Variants in VOPP1 observed in about 807,000 individuals in gnomAD.
VOPP1 encodes the protein WW domain binding protein VOPP1.
Under a neutral mutation model 23.5 loss-of-function variants are expected in VOPP1, and 8 were observed. The ratio of observed to expected loss-of-function variants is 0.34; its 90% CI spans 0.20 to 0.61. The LOEUF (loss-of-function observed/expected upper bound fraction) is 0.61, where lower values mean the gene tolerates loss of function less well. VOPP1 is among the 20% of genes least tolerant of loss of function. The pLI, the probability that VOPP1 is intolerant of heterozygous loss-of-function variation, is 0.78. For missense variants in VOPP1, 174 were observed against 238.1 expected (o/e 0.73, Z 1.77); for synonymous variants, 83 against 97.3 (o/e 0.85, Z 0.86).
At chr7:55,538,675 A>G in intron 1 of VOPP1, 1 of 1,535,886 alleles carries the variant, frequency 6.5e-7, no homozygotes, top group Non-Finnish European at 8.7e-7. Context: ...AATGACAAAA[A>G]CAGCTACAAA....
intron 4 of VOPP1, among the ~76,000 whole-genome samples, chr7:55,444,226 C>T (rs927212240): frequency 6.6e-6 from 1 of 152,138 alleles, no homozygotes; most frequent in African/African-American, 2.4e-5. Context: ...TAGAGATCAT[C>T]GGACAAGAGT....
Position 55,492,292 on chromosome 7 carries a change from A to G in VOPP1, c.318T>C (p.Asn106=). Residue 106 remains asparagine (N), a synonymous_variant, in exon 4 of 5, where the codon AAT becomes AAC. Transcript: ENST00000285279. ...FNVSYTRQPP[N]PGPGAQQPGP... is the part of the protein sequence containing the mutation. ...ACAGGGCTGGCTGACCTGGGCCGGG[A>G]TTTGGGGGCTGCCTGGTGTAGGACA... The G allele has an allele frequency of 6.2e-7, 1 of 1,609,986 alleles. No individual in the cohort carries two copies.
chr7:55,511,741 C>A (rs1474781471), intron 2 of VOPP1, among the ~76,000 whole-genome samples: 1 of 152,212 alleles, frequency 6.6e-6, no homozygotes, highest in Non-Finnish European at 1.5e-5. Flanking sequence ...TTCCAGTTGT[C>A]CCTGCCTTTC....
chr7:55,518,931 A>G (rs1795654222), intron 2 of VOPP1, among the ~76,000 whole-genome samples: 1 of 152,222 alleles, frequency 6.6e-6, no homozygotes, highest in South Asian at 2.1e-4. Flanking sequence ...TCAGAGGGAC[A>G]TTCACAGATG....
chr7:55,467,429 C>T (rs1258684356), downstream of VOPP1, among the ~76,000 whole-genome samples: 1 of 152,212 alleles, frequency 6.6e-6, no homozygotes, highest in South Asian at 2.1e-4. Flanking sequence ...CTGTACCTGC[C>T]GGCCTCAATG....
chr7:55,525,778 A>G (rs1421394827), intron 1 of VOPP1, among the ~76,000 whole-genome samples: 1 of 138,724 alleles, frequency 7.2e-6, no homozygotes, highest in East Asian at 2.2e-4. Flanking sequence ...CCTAAAAGGA[A>G]AAAACCTCTC....
chr7:55,545,924 T>C (rs923475101), intron 1 of VOPP1, among the ~76,000 whole-genome samples: 14 of 151,726 alleles, frequency 9.2e-5, no homozygotes, highest in Non-Finnish European at 2.1e-4. Context: ...ATACAAAAAT[T>C]AGCATGGTGG....
At position 55,492,578 on chromosome 7, in the gene VOPP1, C is replaced by T. The variant is rs568449207; in HGVS notation, c.192-160G>A. 5.5e-3 allele frequency among the ~76,000 whole-genome samples: 833 copies of T among 152,328 alleles called. 12 individuals are homozygous for T. The highest frequency in any genetic ancestry group is 0.019 in the African/African-American group (796 of 41,574). On this transcript the variant is annotated intron_variant, in intron 3 of 4. Coordinates refer to ENST00000285279, the MANE Select transcript of VOPP1 (RefSeq NM_030796.5). ...GGGCAGAGCCATGAGGCTCGCACCTCAGACTTGGTCCTCTTGGGCCCATTT... is the reference window on the plus strand; with the variant it reads ...GGGCAGAGCCATGAGGCTCGCACCTTAGACTTGGTCCTCTTGGGCCCATTT...
chr7:55,435,675 C>G (rs1425591219), downstream of VOPP1, among the ~76,000 whole-genome samples: 1 of 152,218 alleles, frequency 6.6e-6, no homozygotes, highest in Non-Finnish European at 1.5e-5. Flanking sequence ...TTTACCCAGG[C>G]TGCAGCTCCC....
rs138195274 is a variant in VOPP1 at position 55,509,996 on chromosome 7, G to A, written c.113+11076C>T. On this transcript the variant is annotated intron_variant, in intron 2 of 4. Transcript: ENST00000285279. ...CCCCTTTAGACCAGAGGACCGTGTCGTCATACTGTTCCTAGACCAAAATGA... is the reference window on the plus strand; with the variant it reads ...CCCCTTTAGACCAGAGGACCGTGTCATCATACTGTTCCTAGACCAAAATGA... Among the ~76,000 whole-genome samples the A allele has an allele frequency of 7.6e-4, 115 of 152,186 alleles. No homozygotes were observed. In the East Asian group the frequency reaches 0.01, roughly 13 times the overall value.
At chr7:55,480,719 T>C (rs1792641106) in intron 4 of VOPP1, among the ~76,000 whole-genome samples, 1 of 152,232 alleles carries the variant, frequency 6.6e-6, no homozygotes, top group Admixed American at 6.5e-5. Context: ...TATGAATCTA[T>C]TAATACCTCT....
intron 1 of VOPP1, among the ~76,000 whole-genome samples, chr7:55,527,271 T>C (rs1796243209): frequency 2.0e-5 from 3 of 152,320 alleles, no homozygotes; most frequent in Admixed American, 2.0e-4. Flanking sequence ...TTCTCAGGAA[T>C]GTCTTATCTC....
At chr7:55,560,101 C>T (rs528507507) in intron 1 of VOPP1, among the ~76,000 whole-genome samples, 67 of 152,288 alleles carry the variant, frequency 4.4e-4, no homozygotes, top group African/African-American at 1.6e-3. Flanking sequence ...TGTAGTGAGC[C>T]AAGATCATGC....
chr7:55,439,033 C>T (rs775408543), intron 4 of VOPP1, among the ~76,000 whole-genome samples: 7 of 152,144 alleles, frequency 4.6e-5, no homozygotes, highest in Non-Finnish European at 7.4e-5. Context: ...AGATGGAACC[C>T]GGTTGTACGC....
intron 1 of VOPP1, among the ~76,000 whole-genome samples, chr7:55,552,101 G>A (rs1250268209): frequency 6.6e-6 from 1 of 151,696 alleles, no homozygotes; most frequent in Non-Finnish European, 1.5e-5. Context: ...AGGTTAGCCA[G>A]GTCAGGGACC....
chr7:55,502,326 C>T (rs1794424293), intron 2 of VOPP1, among the ~76,000 whole-genome samples: 1 of 152,256 alleles, frequency 6.6e-6, no homozygotes, highest in African/African-American at 2.4e-5. Context: ...TGCTCTAGCT[C>T]ACTTTTCAGA....
At chr7:55,487,650 C>T (rs1793239313) in intron 4 of VOPP1, among the ~76,000 whole-genome samples, 1 of 152,246 alleles carries the variant, frequency 6.6e-6, no homozygotes, top group East Asian at 1.9e-4. Flanking sequence ...ACAAAAAACA[C>T]TATCCAATGC....
chr7:55,450,920 T>TCA (rs1335182566), intron 4 of VOPP1, among the ~76,000 whole-genome samples: 1 of 152,218 alleles, frequency 6.6e-6, no homozygotes, highest in African/African-American at 2.4e-5. Context: ...AAGAGAGTGC[T>TCA]CTCCAACATT....
chr7:55,510,570 CTTTTTTTTT>C (rs34545604), intron 2 of VOPP1, among the ~76,000 whole-genome samples: 1 of 119,824 alleles, frequency 8.3e-6, no homozygotes, highest in Middle Eastern at 3.9e-3. Context: ...AGGGCACTGG[CTTTTTTTTT>C]TTTTTTTTTT....
Sources: gnomAD v4.1 joint callset for allele counts (sites outside exome capture counted in the v4.1 genomes callset) on GRCh38, gnomAD v4.1.1 for gene constraint, MANE v1.5 for transcripts, NCBI Gene and HGNC (gene_info 2026-07-23, HGNC 2026-07-21) for gene names.